SEPTIN9: variants seen among roughly 807,000 people sequenced by gnomAD.
SEPTIN9 encodes the protein septin 9, also known as septin-9.
SEPTIN9 carries 13 observed loss-of-function variants against 56.6 expected under a neutral mutation model. That is an observed-to-expected ratio of 0.23 (90% CI 0.15 to 0.37). SEPTIN9 has a LOEUF of 0.37. SEPTIN9 is among the 10% of genes least tolerant of loss of function. SEPTIN9 has a pLI of 1.00. For synonymous variants in SEPTIN9, 332 were observed against 334.1 expected, an observed-to-expected ratio of 0.99 and a Z score of 0.07; for missense variants, 650 against 823.1, an observed-to-expected ratio of 0.79 and a Z score of 2.57.
In SEPTIN9 at chr17:77,363,024, G is replaced by A. The variant is rs185698290; in HGVS notation, c.77-39035G>A. On this transcript the variant is annotated intron_variant, in intron 2 of 11. Coordinates refer to ENST00000427177, the MANE Select transcript of SEPTIN9 (RefSeq NM_001113491.2). ...CCCCTGGGCATGACCAAGGCGGGGA[G>A]AAGTGGCGTGAGAGGAGGCAGATGT... Among the ~76,000 whole-genome samples the A allele has an allele frequency of 1.6e-4, 24 of 152,370 alleles. No homozygotes were observed. In the East Asian group the frequency reaches 4.6e-3, roughly 29 times the overall value.
intron 3 of SEPTIN9, among the ~76,000 whole-genome samples, chr17:77,468,134 G>C (rs183583362): frequency 6.6e-6 from 1 of 152,068 alleles, no homozygotes; most frequent in Non-Finnish European, 1.5e-5. Context: ...GCGTGGTGGC[G>C]GGCGCCTGTA....
chr17:77,295,099 A>G (rs974392591), intron 1 of SEPTIN9, among the ~76,000 whole-genome samples: 5 of 152,212 alleles, frequency 3.3e-5, no homozygotes, highest in Non-Finnish European at 7.3e-5. Flanking sequence ...CACACAAGAG[A>G]AAATGTGACG....
chr17:77,341,635 C>T (rs1015998836), intron 2 of SEPTIN9, among the ~76,000 whole-genome samples: 2 of 151,796 alleles, frequency 1.3e-5, no homozygotes, highest in African/African-American at 4.8e-5. Flanking sequence ...ATTAGCCAGG[C>T]GTGGTGGCGG....
rs990916434 is a variant in SEPTIN9, at chr17:77,405,385, C to T, written c.721+2682C>T. Among the ~76,000 whole-genome samples the T allele has an allele frequency of 2.6e-5, 4 of 152,112 alleles. No individual in the cohort carries two copies. The highest frequency in any genetic ancestry group is 9.7e-5 in the African/African-American group (4 of 41,398). ...AGGAAGGGGAGAGAAAGGCAGGCCACGTGGAGGCAGCAGCGTTCAGAGCTG... is the reference window on the plus strand; with the variant it reads ...AGGAAGGGGAGAGAAAGGCAGGCCATGTGGAGGCAGCAGCGTTCAGAGCTG... On this transcript the variant is annotated intron_variant, in intron 3 of 11. Transcript: ENST00000427177. The surrounding 1 kb of genome is among the most constrained non-coding windows in gnomAD (Gnocchi z 5.8).
At chr17:77,352,968 C>T (rs2034111975) in intron 2 of SEPTIN9, among the ~76,000 whole-genome samples, 2 of 152,214 alleles carry the variant, frequency 1.3e-5, no homozygotes, top group African/African-American at 4.8e-5. Flanking sequence ...CTTATAAAGA[C>T]ACCTGTCATT....
chr17:77,432,691 A>G (rs1286940262), intron 3 of SEPTIN9, among the ~76,000 whole-genome samples: 1 of 152,230 alleles, frequency 6.6e-6, no homozygotes, highest in Non-Finnish European at 1.5e-5. Flanking sequence ...GGCCCTGGAA[A>G]TGGTGCCTGC....
chr17:77,284,796 A>G (rs2031203460), intron 1 of SEPTIN9, among the ~76,000 whole-genome samples: 1 of 151,844 alleles, frequency 6.6e-6, no homozygotes, highest in Admixed American at 6.6e-5. Flanking sequence ...CGCCCAGCTA[A>G]TTTTTATATT....
intron 2 of SEPTIN9, among the ~76,000 whole-genome samples, chr17:77,380,798 A>AC (rs552107132): frequency 4.6e-4 from 70 of 152,204 alleles, no homozygotes; most frequent in African/African-American, 1.6e-3. Flanking sequence ...TGCTAGGGGC[A>AC]CCCCCAGGGA....
chr17:77,470,817 T>G (rs1193164916), intron 3 of SEPTIN9: 1 of 152,324 alleles, frequency 6.6e-6, no homozygotes. Context: ...CATAGGCCTC[T>G]CTTTGGCTTC....
In SEPTIN9 at chr17:77,482,236, G is replaced by A; in HGVS notation, c.814G>A (p.Ala272Thr). ...KQAPASRNEK[A>T]PVDFGYVGID... is the part of the protein sequence containing the mutation. ...GGCGCCTGCATCACGGAACGAGAAG[G>A]CCCCGGTGGACTTCGGCTACGTGGG... The change falls in exon 4 of 12, where the codon GCC (alanine) becomes ACC (threonine). Residue 272 changes from alanine (A) to threonine (T), a missense_variant. This residue lies in a region of SEPTIN9 where 333 missense variants were observed against 494.0 expected (regional missense o/e 0.67). Transcript: ENST00000427177. 6.2e-7 allele frequency: 1 copy of A among 1,613,036 alleles called. No individual in the cohort carries two copies. Among genetic ancestry groups the A allele is most frequent in the Non-Finnish European group, 8.5e-7 (1 of 1,179,862 alleles).
In SEPTIN9 at chr17:77,499,231, C is replaced by G. The variant is rs527593353; in HGVS notation, c.*573C>G. The G allele has an allele frequency of 1.5e-3, 852 of 584,924 alleles. 6 individuals carry two copies. Among genetic ancestry groups the G allele is most frequent in the African/African-American group, 8.2e-3 (456 of 55,456 alleles). 36.2% of individuals were successfully genotyped at this position (584,924 alleles called of 1,614,324 possible). A position where few individuals can be genotyped will look rare whatever the true frequency, so the allele number is the denominator to read the frequency against. The stretch of plus-strand genomic sequence containing the variant: ...AGAAAACTCCAGGGTCCCCTGCCAC[C>G]GACTGCCCAGCCACTCCAAGCCCCC... On this transcript the variant is annotated 3_prime_UTR_variant, in exon 12 of 12. Coordinates refer to ENST00000427177, the MANE Select transcript of SEPTIN9 (RefSeq NM_001113491.2).
Position 77,351,137 on chromosome 17 carries a change from C to T in SEPTIN9, c.76+43940C>T, listed in dbSNP as rs138189211. Among the ~76,000 whole-genome samples, 19 of 152,090 alleles carry T rather than the reference C, an allele frequency of 1.2e-4. No homozygotes were observed. In the East Asian group the frequency reaches 2.1e-3, roughly 17 times the overall value. ...TCTCATTTTCCTTTTTTCTGGCTTA[C>T]TAAGTGCCAGAAAGAATTTCCGTGA... On this transcript the variant is annotated intron_variant, in intron 2 of 11. Transcript: ENST00000427177.
At chr17:77,397,305 C>T (rs2144071816) in intron 2 of SEPTIN9, among the ~76,000 whole-genome samples, 1 of 152,260 alleles carries the variant, frequency 6.6e-6, no homozygotes, top group Non-Finnish European at 1.5e-5. Flanking sequence ...GCAGTCTCTG[C>T]TCTCATCACG....
At position 77,309,930 on chromosome 17, in the gene SEPTIN9, C is replaced by CG. The variant is rs201014343; in HGVS notation, c.76+2736dup. ...GCCCCTCTGGATTGGGATCTGGCCC[C>CG]GGGCAGGCACATCTGTGCTGGGCAG... On this transcript the variant is annotated intron_variant, in intron 2 of 11. Coordinates refer to ENST00000427177, the MANE Select transcript of SEPTIN9 (RefSeq NM_001113491.2). 2.3e-3 allele frequency among the ~76,000 whole-genome samples: 350 copies of CG among 152,154 alleles called. 2 individuals are homozygous for CG. The highest frequency in any genetic ancestry group is 8.2e-3 in the African/African-American group (342 of 41,516).
chr17:77,342,075 A>C (rs1598219372), intron 2 of SEPTIN9, among the ~76,000 whole-genome samples: 1 of 20,540 alleles, frequency 4.9e-5, no homozygotes, highest in South Asian at 1.6e-3. Context: ...ACTCTGTCTC[A>C]AAAAAAAAAA....
Position 77,490,857 on chromosome 17 carries a change from C to G in SEPTIN9, c.1378C>G (p.Arg460Gly), listed in dbSNP as rs1228213549. 2.5e-6 allele frequency: 4 copies of G among 1,570,338 alleles called. No individual in the cohort carries two copies. The highest frequency in any genetic ancestry group is 3.5e-6 in the Non-Finnish European group (4 of 1,156,894). Residue 460 changes from arginine (R) to glycine (G), a missense_variant and splice_region_variant, in exon 8 of 12, where the codon CGG (arginine) becomes GGG (glycine). This residue lies in a region of SEPTIN9 where 333 missense variants were observed against 494.0 expected (regional missense o/e 0.67). Transcript: ENST00000427177. ...TLEERVHFKQRITADLLSNGI... is the reference protein window; with the variant it reads ...TLEERVHFKQGITADLLSNGI... ...GGAGGAGAGGGTCCACTTCAAACAG[C>G]GGGTAGGGTTCCATCTCTACTTGCC...
intron 3 of SEPTIN9, among the ~76,000 whole-genome samples, chr17:77,452,521 A>G (rs1390370971): frequency 6.6e-6 from 1 of 152,144 alleles, no homozygotes; most frequent in Non-Finnish European, 1.5e-5. Context: ...CTCATCTAAG[A>G]TAAGTTTGTA....
intron 10 of SEPTIN9, among the ~76,000 whole-genome samples, chr17:77,495,648 C>T (rs1264598295): frequency 6.6e-6 from 1 of 152,236 alleles, no homozygotes. Context: ...CAACTCCAGC[C>T]TGAGAGCCCC....
chr17:77,410,612 G>A (rs1002309648), intron 3 of SEPTIN9, among the ~76,000 whole-genome samples: 7 of 152,346 alleles, frequency 4.6e-5, no homozygotes, highest in African/African-American at 9.6e-5. Flanking sequence ...TCTCTGGTCC[G>A]TTTTCTCATT....
Sources: gnomAD v4.1 joint callset for allele counts (sites outside exome capture counted in the v4.1 genomes callset) on GRCh38, gnomAD v4.1.1 for gene constraint, gnomAD v4.1.1 regional missense constraint, Gnocchi (gnomAD v3.1) non-coding constraint, MANE v1.5 for transcripts, NCBI Gene and HGNC (gene_info 2026-07-23, HGNC 2026-07-21) for gene names.